The following SRP72 variants were observed in gnomAD, a reference collection of about 807,000 sequenced individuals.
The protein encoded by SRP72 is signal recognition particle subunit SRP72.
In SRP72, 49 loss-of-function variants were observed where a neutral mutation model predicts 96.3. The ratio of observed to expected loss-of-function variants is 0.51; its 90% CI spans 0.40 to 0.65. The LOEUF (loss-of-function observed/expected upper bound fraction) is 0.65. SRP72 is among the 30% of genes least tolerant of loss of function. The pLI, the probability that SRP72 is intolerant of heterozygous loss-of-function variation, is 0.00. For synonymous variants in SRP72, 267 were observed against 275.2 expected (o/e 0.97, Z 0.30); for missense variants, 736 against 793.3 (o/e 0.93, Z 0.87).
chr4:56,496,264 A>G (rs1007854565), intron 17 of SRP72, among the ~76,000 whole-genome samples: 59 of 152,302 alleles, frequency 3.9e-4, no homozygotes, highest in African/African-American at 1.4e-3. Context: ...AGGTTTCCCA[A>G]GGCTTAGCTC....
intron 8 of SRP72, 103 bp from the exon 9 acceptor site, chr4:56,483,036 G>A: frequency 9.4e-7 from 1 of 1,059,706 alleles, no homozygotes; most frequent in Non-Finnish European, 1.3e-6. Context: ...CAATCAGGTA[G>A]ATAGATTCAA....
At chr4:56,468,615 G>T (rs142708617) in intron 1 of SRP72, among the ~76,000 whole-genome samples, 60 of 152,228 alleles carry the variant, frequency 3.9e-4, no homozygotes, top group African/African-American at 1.4e-3. Flanking sequence ...CCTAAAAGGT[G>T]TGTCAGTAAC....
Position 56,474,650 on chromosome 4 carries a change from TCTC to T in SRP72, c.610+262_610+264del, listed in dbSNP as rs1291363131. ...CCTCTGTCTCCCGAGTTCAAGCAAT[TCTC>T]CTGCCTCAGCCTCCCGAGTAGCTGG... is the stretch of plus-strand genomic sequence containing the variant. On this transcript the variant is annotated intron_variant, in intron 5 of 18. Coordinates refer to ENST00000642900, the MANE Select transcript of SRP72 (RefSeq NM_006947.4). The T allele has an allele frequency of 9.5e-6, 5 of 526,154 alleles. No individual in the cohort carries two copies. The African/African-American group carries it at 9.7e-5, about 10-fold the overall frequency. The allele number at this position is 526,154 out of a possible 1,614,324, so 32.6% of individuals were successfully genotyped here. A position where few individuals can be genotyped will look rare whatever the true frequency, so the allele number is the denominator to read the frequency against.
intron 3 of SRP72, among the ~76,000 whole-genome samples, chr4:56,473,466 AAAAAG>A (rs984116427): frequency 1.3e-5 from 2 of 151,480 alleles, no homozygotes; most frequent in Non-Finnish European, 2.9e-5. Context: ...TCAAAAAAAA[AAAAAG>A]AAAATCAGTT....
intron 8 of SRP72, among the ~76,000 whole-genome samples, chr4:56,479,263 T>G (rs562487927): frequency 3.9e-5 from 6 of 152,120 alleles, no homozygotes; most frequent in Non-Finnish European, 7.4e-5. Flanking sequence ...CACTGCAACC[T>G]CCGCCTCCCG....
At chr4:56,495,544 C>A in intron 17 of SRP72, 150 bp downstream of exon 17, 1 of 509,542 alleles carries the variant, frequency 2.0e-6, no homozygotes, top group Non-Finnish European at 3.5e-6. Flanking sequence ...TAATTTTATT[C>A]TATTACTTTA....
At chr4:56,499,936 T>G (rs1721203424) in intron 17 of SRP72, among the ~76,000 whole-genome samples, 1 of 152,336 alleles carries the variant, frequency 6.6e-6, no homozygotes, top group East Asian at 1.9e-4. Context: ...TGCAGCAGTA[T>G]TCACATTAGC....
At position 56,490,646 on chromosome 4, in the gene SRP72, G is replaced by A. The variant is rs750937171; in HGVS notation, c.1502+1G>A. On this transcript the variant is annotated splice_donor_variant, in intron 15 of 18. Coordinates refer to ENST00000642900, the MANE Select transcript of SRP72 (RefSeq NM_006947.4). LOFTEE classifies it high-confidence loss of function. ...TTGTAGATCCAGAGAAAGCCAAAGC[G>A]TATCCTTTTGATTGTTATTCCTTAC... 3.9e-5 allele frequency: 63 copies of A among 1,612,320 alleles called. No individual in the cohort carries two copies. Among genetic ancestry groups the A allele is most frequent in the African/African-American group, 5.3e-5 (4 of 74,868 alleles).
At chr4:56,501,065 T>C (rs1017931627) in intron 18 of SRP72, among the ~76,000 whole-genome samples, 3 of 152,048 alleles carry the variant, frequency 2.0e-5, no homozygotes, top group Non-Finnish European at 4.4e-5. Context: ...TAGAAAGAAG[T>C]GTTAGAAGTA....
At chr4:56,498,756 C>T (rs1435875814) in intron 17 of SRP72, among the ~76,000 whole-genome samples, 2 of 152,126 alleles carry the variant, frequency 1.3e-5, no homozygotes, top group African/African-American at 4.8e-5. Context: ...AACCACTGCT[C>T]AAGGAAATGA....
At chr4:56,480,353 G>A (rs147404583) in intron 8 of SRP72, among the ~76,000 whole-genome samples, 214 of 152,186 alleles carry the variant, frequency 1.4e-3, no homozygotes, top group African/African-American at 5.0e-3. Context: ...TCCACCTCCC[G>A]GGTTCAAGTG....
chr4:56,495,133 G>T, intron 16 of SRP72: 1 of 328,388 alleles, frequency 3.0e-6, no homozygotes, highest in Non-Finnish European at 5.6e-6. Flanking sequence ...TTTTCGAATT[G>T]TCACCTCTGT....
chr4:56,471,175 G>A (rs879480871), intron 2 of SRP72, among the ~76,000 whole-genome samples: 1 of 152,130 alleles, frequency 6.6e-6, no homozygotes, highest in Non-Finnish European at 1.5e-5. Flanking sequence ...TTTCCTCATG[G>A]ATTATGGTTG....
At chr4:56,495,153 T>A in intron 16 of SRP72, 1 of 360,460 alleles carries the variant, frequency 2.8e-6, no homozygotes, top group Non-Finnish European at 5.1e-6. Context: ...TTTTCTAAAC[T>A]ACTTTCCAAA....
chr4:56,478,309 T>C, intron 6 of SRP72, 70 bp from the exon 7 acceptor site: 1 of 1,463,302 alleles, frequency 6.8e-7, no homozygotes, highest in Non-Finnish European at 9.1e-7. Context: ...CTTTTGAATG[T>C]TTGGGTCATT....
At chr4:56,499,543 A>G (rs1278725257) in intron 17 of SRP72, among the ~76,000 whole-genome samples, 2 of 152,220 alleles carry the variant, frequency 1.3e-5, no homozygotes, top group Non-Finnish European at 2.9e-5. Flanking sequence ...AAACCCCATC[A>G]AAAAGTGGGC....
intron 17 of SRP72, among the ~76,000 whole-genome samples, chr4:56,500,082 A>AGG (rs879364144): frequency 0.13 from 19,768 of 152,124 alleles, 1,623 homozygotes; most frequent in East Asian, 0.27. Flanking sequence ...ATGAAGCTTT[A>AGG]AAACCATCAG....
rs1358593007 is a variant in SRP72, at chr4:56,490,359, G to T, written c.1347G>T (p.Leu449Phe). The T allele has an allele frequency of 3.1e-6, 5 of 1,613,556 alleles. No homozygotes were observed. In the South Asian group the frequency reaches 4.4e-5, roughly 14 times the overall value. ...HQPKSPAHLS[L>F]IREAANFKLK... ...CAAAATCTCCTGCTCATTTGTCCTT[G>T]ATAAGAGAAGCTGCAAACTTCAAAC... Residue 449 changes from leucine to phenylalanine, a missense_variant, in exon 14 of 19, where the codon TTG becomes TTT. This residue lies in a region of SRP72 where 388 missense variants were observed against 431.8 expected (regional missense o/e 0.90). Transcript: ENST00000642900.
chr4:56,469,176 A>T (rs1719866464), intron 1 of SRP72, among the ~76,000 whole-genome samples: 1 of 152,184 alleles, frequency 6.6e-6, no homozygotes, highest in Non-Finnish European at 1.5e-5. Context: ...ATCATTTTGT[A>T]GCTAAGAAAA....
Sources: allele counts gnomAD v4.1 joint callset (sites outside exome capture counted in the v4.1 genomes callset), GRCh38; gene constraint gnomAD v4.1.1; regional missense constraint gnomAD v4.1.1; transcripts MANE v1.5; gene names NCBI Gene and HGNC (gene_info 2026-07-23, HGNC 2026-07-21).